Variants in PLA2G15 observed in about 807,000 individuals in gnomAD.
PLA2G15 encodes phospholipase A2 group XV, also known as lysosomal phospholipase A and acyltransferase.
PLA2G15 carries 20 observed loss-of-function variants against 40.9 expected under a neutral mutation model. The observed-to-expected ratio is 0.49, with a 90% CI of 0.34 to 0.71. PLA2G15 has a LOEUF of 0.71. Ranked by LOEUF, PLA2G15 falls within the 30% of genes least tolerant of loss-of-function variation. The pLI is 0.01. For missense variants in PLA2G15, 471 were observed against 541.9 expected (o/e 0.87, Z 1.30); for synonymous variants, 223 against 228.2 (o/e 0.98, Z 0.21).
At chr16:68,256,050 C>A in intron 5 of PLA2G15, 60 bp downstream of exon 5, 2 of 1,128,048 alleles carry the variant, frequency 1.8e-6, no homozygotes, top group Non-Finnish European at 2.6e-6. Context: ...CCTCTCTTCC[C>A]TTCCTAAGTG....
At chr16:68,253,327 C>A in intron 2 of PLA2G15, 1 of 371,116 alleles carries the variant, frequency 2.7e-6, no homozygotes, top group Non-Finnish European at 5.4e-6. Flanking sequence ...TGCCTACCCA[C>A]CCATACAGCA....
intron 1 of PLA2G15, among the ~76,000 whole-genome samples, chr16:68,246,855 C>G (rs893212649): frequency 2.0e-5 from 3 of 152,128 alleles, no homozygotes; most frequent in Non-Finnish European, 4.4e-5. Context: ...GTGGACTGCA[C>G]AGGACTTGTG....
At position 68,255,080 on chromosome 16, in the gene PLA2G15, T is replaced by G. The variant is rs2290700; in HGVS notation, c.403+43T>G. On this transcript the variant is annotated intron_variant, in intron 3 of 5. Transcript: ENST00000219345. The surrounding 1 kb of genome is among the most constrained non-coding windows in gnomAD (Gnocchi z 5.9). ...AAGGCCTCCGGGAGCTGGGATGGGG[T>G]TTCTGCCGGACTGGAGCTGGAGCTG... 0.18 allele frequency: 233,633 copies of G among 1,328,694 alleles called. 22,192 individuals are homozygous for G. The highest frequency in any genetic ancestry group is 0.29 in the African/African-American group (20,420 of 69,270). 82.3% of individuals were successfully genotyped at this position (1,328,694 alleles called of 1,614,324 possible).
intron 2 of PLA2G15, chr16:68,253,592 C>T (rs1441123367): frequency 6.3e-6 from 2 of 319,082 alleles, no homozygotes; most frequent in African/African-American, 4.5e-5. Context: ...CCAGGCTGGT[C>T]TCGAACTCCT....
chr16:68,258,638 C>T (rs1300380393), intron 5 of PLA2G15, among the ~76,000 whole-genome samples: 1 of 152,050 alleles, frequency 6.6e-6, no homozygotes, highest in East Asian at 1.9e-4. Context: ...CATTTTTAGC[C>T]CAGGCGTGGT....
chr16:68,255,877 T>C lies in PLA2G15; in HGVS notation c.614T>C (p.Leu205Pro). ...VAHSMGNMYT[L>P]YFLQRQPQAW... is the part of the protein sequence containing the mutation. The stretch of plus-strand genomic sequence containing the variant: ...CACAGTATGGGCAACATGTACACGC[T>C]CTACTTTCTGCAGCGGCAGCCGCAG... Residue 205 changes from leucine (L) to proline (P), a missense_variant, in exon 5 of 6, where the codon CTC becomes CCC. Transcript: ENST00000219345. The surrounding 1 kb of genome is among the most constrained non-coding windows in gnomAD (Gnocchi z 5.9). 3 of 1,614,106 alleles carry C rather than the reference T, an allele frequency of 1.9e-6. No individual in the cohort carries two copies. Among genetic ancestry groups the C allele is most frequent in the Non-Finnish European group, 2.5e-6 (3 of 1,179,988 alleles).
chr16:68,245,534 T>C lies in PLA2G15; in HGVS notation c.108T>C (p.Arg36=). 6.3e-7 allele frequency: 1 copy of C among 1,587,778 alleles called. No homozygotes were observed. Among genetic ancestry groups the C allele is most frequent in the Non-Finnish European group, 8.5e-7 (1 of 1,172,368 alleles). The change falls in exon 1 of 6, where the codon CGT becomes CGC. Residue 36 remains arginine (R), a synonymous_variant. Transcript: ENST00000219345. ...CGGACCCAGCGCTCCCGGCCGGACG[T>C]CACCCCCCAGTGGTGCTGGGTGAGG... is the stretch of plus-strand genomic sequence containing the variant. ...LLADPALPAG[R]HPPVVLVPGD... is the part of the protein sequence containing the mutation.
At chr16:68,256,615 G>A (rs1282473743) in intron 5 of PLA2G15, among the ~76,000 whole-genome samples, 1 of 152,074 alleles carries the variant, frequency 6.6e-6, no homozygotes, top group Non-Finnish European at 1.5e-5. Context: ...CCGGGTTCAA[G>A]CGATTCTGCC....
rs756811672 is a variant in PLA2G15 at position 68,259,187 on chromosome 16, C to CGGG, written c.770_772dup (p.Arg257_Glu258insGly). On this transcript the variant is annotated inframe_insertion, in exon 6 of 6. Transcript: ENST00000219345. This position sits in a 1 kb window ranked among gnomAD's most constrained non-coding sequence, Gnocchi z 6.5. ...CCCAGTCATCGGGCCCCTGAAGATC[C>CGGG]GGGAGCAGCAGCGGTCAGCTGTCTC... The CGGG allele has an allele frequency of 3.7e-6, 6 of 1,613,532 alleles. No individual in the cohort carries two copies. The highest frequency in any genetic ancestry group is 1.7e-5 in the Admixed American group (1 of 59,996).
intron 2 of PLA2G15, chr16:68,252,431 A>C (rs2042362529): frequency 2.6e-6 from 1 of 387,682 alleles, no homozygotes. Context: ...CCAGCCTCGC[A>C]CAGAGGCACA....
At position 68,259,279 on chromosome 16, in the gene PLA2G15, A is replaced by C; in HGVS notation, c.861A>C (p.Thr287=). The C allele has an allele frequency of 6.2e-7, 1 of 1,614,008 alleles. No individual in the cohort carries two copies. The highest frequency in any genetic ancestry group is 8.5e-7 in the Non-Finnish European group (1 of 1,180,048). The change falls in exon 6 of 6, where the codon ACA becomes ACC. Residue 287 remains threonine, a synonymous_variant. Transcript: ENST00000219345. This position sits in a 1 kb window ranked among gnomAD's most constrained non-coding sequence, Gnocchi z 6.5. The part of the protein sequence containing the change: ...SPEKVFVQTP[T]INYTLRDYRK... ...AGAAGGTGTTCGTGCAGACACCCAC[A>C]ATCAACTACACACTGCGGGACTACC...
chr16:68,255,034 G>A lies in PLA2G15; in HGVS notation c.400G>A (p.Val134Met), dbSNP rs142864042. ...GTTCCTGGACCCCAGCAAAAGCAGC[G>A]TGGGTATGTAGCCCTTACTCAAGGC... ...LEFLDPSKSSVGSYFHTMVES... is the reference protein window; with the variant it reads ...LEFLDPSKSSMGSYFHTMVES... The change falls in exon 3 of 6, where the codon GTG (valine) becomes ATG (methionine). Residue 134 changes from valine to methionine, a missense_variant. Val to Met is a conservative substitution (Grantham distance 21, BLOSUM62 1). Transcript: ENST00000219345. The surrounding 1 kb of genome is among the most constrained non-coding windows in gnomAD (Gnocchi z 5.9). 2.6e-5 allele frequency: 41 copies of A among 1,603,614 alleles called. No homozygotes were observed. Among genetic ancestry groups the A allele is most frequent in the African/African-American group, 2.4e-4 (18 of 74,834 alleles).
In PLA2G15 at chr16:68,257,307, G is replaced by A. The variant is rs568038911; in HGVS notation, c.727+1317G>A. 4.9e-4 allele frequency among the ~76,000 whole-genome samples: 75 copies of A among 152,302 alleles called. 4 individuals are homozygous for A. In the South Asian group the frequency reaches 0.015, roughly 31 times the overall value. ...CCCAAAGTTCTGGGATTACAAGGAT[G>A]AGCCACTGCACCTGGCCTCTAGACT... On this transcript the variant is annotated intron_variant, in intron 5 of 5. Transcript: ENST00000219345.
chr16:68,251,042 A>G (rs1452390719), intron 2 of PLA2G15, among the ~76,000 whole-genome samples: 2 of 151,800 alleles, frequency 1.3e-5, no homozygotes, highest in Non-Finnish European at 2.9e-5. Context: ...TACATTTTAT[A>G]TACTTTCTTT....
rs562351147 is a variant in PLA2G15 at position 68,245,399 on chromosome 16, C to G, written c.-28C>G. On this transcript the variant is annotated 5_prime_UTR_variant, in exon 1 of 6. The change creates a new upstream start codon in the 5' untranslated region. Coordinates refer to ENST00000219345, the MANE Select transcript of PLA2G15 (RefSeq NM_012320.4). ...AGAGCCCAGAGAGCTGAACCTGCATCCCGGACCTGCGGCGACCGTCGTACA... is the reference window on the plus strand; with the variant it reads ...AGAGCCCAGAGAGCTGAACCTGCATGCCGGACCTGCGGCGACCGTCGTACA... 1.8e-4 allele frequency: 282 copies of G among 1,598,956 alleles called. 7 individuals are homozygous for G. The South Asian group carries it at 2.9e-3, about 16-fold the overall frequency.
At chr16:68,251,857 CAAAAA>C (rs57051096) in intron 2 of PLA2G15, among the ~76,000 whole-genome samples, 2 of 77,252 alleles carry the variant, frequency 2.6e-5, no homozygotes, top group South Asian at 4.0e-4. Context: ...GAGACTGTCT[CAAAAA>C]AAAAAAAAAA....
chr16:68,259,438 C>G lies in PLA2G15; in HGVS notation c.1020C>G (p.Asp340Glu). The G allele has an allele frequency of 6.2e-7, 1 of 1,613,938 alleles. No individual in the cohort carries two copies. Among genetic ancestry groups the G allele is most frequent in the Non-Finnish European group, 8.5e-7 (1 of 1,180,004 alleles). ...CLYGTGVPTPDSFYYESFPDR... is the reference protein window; with the variant it reads ...CLYGTGVPTPESFYYESFPDR... ...ATGGTACTGGCGTCCCCACACCAGA[C>G]TCCTTCTACTATGAGAGCTTCCCTG... Residue 340 changes from aspartate to glutamate, a missense_variant, in exon 6 of 6, where the codon GAC (aspartate) becomes GAG (glutamate). Transcript: ENST00000219345. This position sits in a 1 kb window ranked among gnomAD's most constrained non-coding sequence, Gnocchi z 6.5.
At chr16:68,246,073 G>A (rs2151200702) in intron 1 of PLA2G15, among the ~76,000 whole-genome samples, 1 of 152,360 alleles carries the variant, frequency 6.6e-6, no homozygotes, top group African/African-American at 2.4e-5. Flanking sequence ...CTTATCAGAT[G>A]TGTGGCATTG....
Position 68,255,030 on chromosome 16 carries a change from C to T in PLA2G15, c.396C>T (p.Ser132=), listed in dbSNP as rs780112570. ...TGGAGTTCCTGGACCCCAGCAAAAG[C>T]AGCGTGGGTATGTAGCCCTTACTCA... is the stretch of plus-strand genomic sequence containing the variant. ...FSLEFLDPSK[S]SVGSYFHTMV... The change falls in exon 3 of 6, where the codon AGC becomes AGT. Residue 132 remains serine (S), a synonymous_variant. Transcript: ENST00000219345. The surrounding 1 kb of genome is among the most constrained non-coding windows in gnomAD (Gnocchi z 5.9). 1.2e-6 allele frequency: 2 copies of T among 1,606,708 alleles called. No individual in the cohort carries two copies. Among genetic ancestry groups the T allele is most frequent in the South Asian group, 2.2e-5 (2 of 90,926 alleles).
Sources: gnomAD v4.1 joint callset for allele counts (sites outside exome capture counted in the v4.1 genomes callset) on GRCh38, gnomAD v4.1.1 for gene constraint, Gnocchi (gnomAD v3.1) non-coding constraint, MANE v1.5 for transcripts, NCBI Gene and HGNC (gene_info 2026-07-23, HGNC 2026-07-21) for gene names.